Variants in ARID1A observed in about 807,000 individuals in gnomAD.
ARID1A encodes AT-rich interactive domain-containing protein 1A.
In ARID1A, 20 loss-of-function variants were observed where a neutral mutation model predicts 212.6. That is an observed-to-expected ratio of 0.09 (90% confidence interval 0.07 to 0.14). The LOEUF is 0.14. Ranked by LOEUF, ARID1A falls within the 10% of genes least tolerant of loss-of-function variation. The probability of loss-of-function intolerance (pLI) is 1.00; values close to 1 mark genes in which losing one functional copy is unlikely to be tolerated. For missense variants in ARID1A, 2,587 were observed against 3,059.0 expected (o/e 0.85, Z 3.64); for synonymous variants, 1,376 against 1,222.1 (o/e 1.13, Z -2.63).
In ARID1A at chr1:26,729,745, C is replaced by G. The variant is rs750719742; in HGVS notation, c.1232C>G (p.Pro411Arg). The G allele has an allele frequency of 1.2e-6, 2 of 1,614,220 alleles. No homozygotes were observed. The highest frequency in any genetic ancestry group is 1.7e-6 in the Non-Finnish European group (2 of 1,180,042). The change falls in exon 2 of 20, where the codon CCG becomes CGG. Residue 411 changes from proline (P) to arginine (R), a missense_variant. Coordinates refer to ENST00000324856, the MANE Select transcript of ARID1A (RefSeq NM_006015.6). Reference protein sequence around the residue: ...YSQQQGPPSGPQQGHGYPGQP... With the variant: ...YSQQQGPPSGRQQGHGYPGQP... ...CAGCAACAGGGACCTCCGTCAGGAC[C>G]GCAGCAAGGACATGGGTACCCAGGG... is the stretch of plus-strand genomic sequence containing the variant.
intron 19 of ARID1A, among the ~76,000 whole-genome samples, chr1:26,776,318 G>A (rs576883751): frequency 6.7e-6 from 1 of 149,370 alleles, no homozygotes; most frequent in Admixed American, 6.7e-5. Flanking sequence ...CTGTCGCCCA[G>A]GCTGGAGTGC....
At chr1:26,746,336 A>G (rs1381095968) in intron 4 of ARID1A, among the ~76,000 whole-genome samples, 2 of 152,250 alleles carry the variant, frequency 1.3e-5, no homozygotes, top group Middle Eastern at 6.8e-3. Flanking sequence ...ACCTTCACCT[A>G]TTCCCCCTTG....
In ARID1A at chr1:26,780,314, C is replaced by A. The variant is rs1302295523; in HGVS notation, c.6416C>A (p.Pro2139His). ...DNNVDLILAT[P>H]PFSRLEKLYS... The stretch of plus-strand genomic sequence containing the variant: ...AATGTGGACCTGATTCTGGCCACAC[C>A]CCCCTTCAGCCGCCTGGAGAAGTTG... The change falls in exon 20 of 20, where the codon CCC becomes CAC. Residue 2139 changes from proline (P) to histidine (H), a missense_variant. Transcript: ENST00000324856. The surrounding 1 kb of genome is among the most constrained non-coding windows in gnomAD (Gnocchi z 7.2). The A allele has an allele frequency of 1.9e-6, 3 of 1,614,204 alleles. No individual in the cohort carries two copies. The highest frequency in any genetic ancestry group is 2.5e-6 in the Non-Finnish European group (3 of 1,180,034).
At chr1:26,773,948 C>T (rs1156618932) in intron 17 of ARID1A, 50 bp downstream of exon 17, 2 of 1,578,430 alleles carry the variant, frequency 1.3e-6, no homozygotes, top group Non-Finnish European at 8.7e-7. Flanking sequence ...GCCTTGAAAA[C>T]TAGTTAGTAA....
intron 1 of ARID1A, chr1:26,729,244 T>C (rs1479293228): frequency 4.8e-6 from 1 of 208,672 alleles, no homozygotes; most frequent in Admixed American, 5.2e-5. Flanking sequence ...AATAGAAACA[T>C]CTAGATGTTT....
chr1:26,780,990 T>G lies in ARID1A; in HGVS notation c.*234T>G. The G allele has an allele frequency of 4.5e-6, 2 of 439,694 alleles. No individual in the cohort carries two copies. Among genetic ancestry groups the G allele is most frequent in the Non-Finnish European group, 7.9e-6 (2 of 254,576 alleles). The allele number at this position is 439,694 out of a possible 1,614,324, so 27.2% of individuals were successfully genotyped here. ...CCTCACCTTACTCCCCTCAGGACCC[T>G]ACCCCACCCTCTTTGAAAAGACAAA... On this transcript the variant is annotated 3_prime_UTR_variant, in exon 20 of 20. Coordinates refer to ENST00000324856, the MANE Select transcript of ARID1A (RefSeq NM_006015.6). This position sits in a 1 kb window ranked among gnomAD's most constrained non-coding sequence, Gnocchi z 7.2.
In ARID1A at chr1:26,771,542, T is replaced by C. The variant is rs904049742; in HGVS notation, c.3406+216T>C. 2.2e-5 allele frequency: 13 copies of C among 579,870 alleles called. No individual in the cohort carries two copies. Among genetic ancestry groups the C allele is most frequent in the African/African-American group, 2.2e-4 (12 of 53,672 alleles). 35.9% of individuals were successfully genotyped at this position (579,870 alleles called of 1,614,324 possible). ...ACGGCAGCTCTTAAGTTTTAATTTT[T>C]GTTGTGCAGCTGACAACTTGCCAAA... is the stretch of plus-strand genomic sequence containing the variant. On this transcript the variant is annotated intron_variant, in intron 12 of 19. Coordinates refer to ENST00000324856, the MANE Select transcript of ARID1A (RefSeq NM_006015.6). The surrounding 1 kb of genome is among the most constrained non-coding windows in gnomAD (Gnocchi z 5.4).
At position 26,696,692 on chromosome 1, in the gene ARID1A, G is replaced by A. The variant is rs2080258690; in HGVS notation, c.289G>A (p.Glu97Lys). 7.4e-7 allele frequency: 1 copy of A among 1,345,392 alleles called. No individual in the cohort carries two copies. The highest frequency in any genetic ancestry group is 1.9e-5 in the South Asian group (1 of 53,312). The allele number at this position is 1,345,392 out of a possible 1,614,324, so 83.3% of individuals were successfully genotyped here. A position where few individuals can be genotyped will look rare whatever the true frequency, so the allele number is the denominator to read the frequency against. Residue 97 changes from glutamate (E) to lysine (K), a missense_variant, in exon 1 of 20, where the codon GAG becomes AAG. Physicochemically the swap from Glu to Lys is moderately conservative, Grantham distance 56. Transcript: ENST00000324856. ...GAGSGGGPGA[E>K]PDLKNSNGNA... ...CGGCAGCGGCGGCGGGCCCGGCGCG[G>A]AGCCGGACCTGAAGAACTCGAACGG...
intron 1 of ARID1A, among the ~76,000 whole-genome samples, chr1:26,721,118 A>G (rs1198426136): frequency 6.6e-6 from 1 of 152,120 alleles, no homozygotes; most frequent in Non-Finnish European, 1.5e-5. Context: ...AGTTGTAAAG[A>G]AGGGGACGTT....
At chr1:26,775,766 T>G (rs531923913) in intron 19 of ARID1A, 59 bp downstream of exon 19, 1 of 1,611,054 alleles carries the variant, frequency 6.2e-7, no homozygotes, top group South Asian at 1.1e-5. Context: ...GTGTAGACAA[T>G]GGGAATGTCT....
chr1:26,771,091 C>G lies in ARID1A; in HGVS notation c.3199-28C>G, dbSNP rs369904648. 47 of 1,610,964 alleles carry G rather than the reference C, an allele frequency of 2.9e-5. No individual in the cohort carries two copies. The highest frequency in any genetic ancestry group is 3.1e-5 in the Non-Finnish European group (36 of 1,177,286). ...GCAGGAAAACCAGGCGGGAGATATACCTCGACTCCTTTGGTTTGGTTATAC... is the reference window on the plus strand; with the variant it reads ...GCAGGAAAACCAGGCGGGAGATATAGCTCGACTCCTTTGGTTTGGTTATAC... On this transcript the variant is annotated intron_variant, in intron 11 of 19. Coordinates refer to ENST00000324856, the MANE Select transcript of ARID1A (RefSeq NM_006015.6). The surrounding 1 kb of genome is among the most constrained non-coding windows in gnomAD (Gnocchi z 5.4).
In ARID1A at chr1:26,766,383, C is replaced by A. The variant is rs747931389; in HGVS notation, c.2878+17C>A. On this transcript the variant is annotated intron_variant, in intron 9 of 19. Coordinates refer to ENST00000324856, the MANE Select transcript of ARID1A (RefSeq NM_006015.6). ...ATTCTGCAGGTAAGTGCTAGTCATT[C>A]TCACTAGGGATTTCTTCAAGAGTCA... The A allele has an allele frequency of 1.2e-6, 2 of 1,614,032 alleles. No homozygotes were observed. Among genetic ancestry groups the A allele is most frequent in the South Asian group, 2.2e-5 (2 of 91,066 alleles).
Position 26,696,650 on chromosome 1 carries a change from G to T in ARID1A, c.247G>T (p.Gly83Cys). The T allele has an allele frequency of 7.7e-7, 1 of 1,303,782 alleles. No individual in the cohort carries two copies. The allele number at this position is 1,303,782 out of a possible 1,614,324, so 80.8% of individuals were successfully genotyped here. A position where few individuals can be genotyped will look rare whatever the true frequency, so the allele number is the denominator to read the frequency against. ...GGACGGGGCCGAGAGCAATGGGGGT[G>T]GCGGCGGCGGCGGAGCCGGCAGCGG... ...LQDGAESNGGGGGGGAGSGGG... is the reference protein window; with the variant it reads ...LQDGAESNGGCGGGGAGSGGG... The change falls in exon 1 of 20, where the codon GGC becomes TGC. Residue 83 changes from glycine (G) to cysteine (C), a missense_variant. Coordinates refer to ENST00000324856, the MANE Select transcript of ARID1A (RefSeq NM_006015.6).
intron 1 of ARID1A, among the ~76,000 whole-genome samples, chr1:26,708,265 A>ATT (rs2080413486): frequency 2.5e-4 from 8 of 31,652 alleles, no homozygotes; most frequent in East Asian, 2.7e-3. Flanking sequence ...ACAGTCCTTC[A>ATT]CTTTTTTTTT....
chr1:26,728,695 C>T (rs1183681781), intron 1 of ARID1A, among the ~76,000 whole-genome samples: 2 of 152,084 alleles, frequency 1.3e-5, no homozygotes, highest in East Asian at 3.9e-4. Context: ...TATATCAGAC[C>T]CATGCCTACT....
chr1:26,769,545 A>G (rs576134464), intron 11 of ARID1A: 1 of 152,342 alleles, frequency 6.6e-6, no homozygotes, highest in Admixed American at 6.5e-5. Flanking sequence ...ATCTCCAACC[A>G]TGAAGACTTA....
chr1:26,700,011 G>A (rs994467305), intron 1 of ARID1A, among the ~76,000 whole-genome samples: 3 of 152,124 alleles, frequency 2.0e-5, no homozygotes, highest in African/African-American at 7.2e-5. Context: ...ATTATCACTA[G>A]ACCCACACAA....
intron 1 of ARID1A, among the ~76,000 whole-genome samples, chr1:26,704,621 G>T (rs2080370068): frequency 6.6e-6 from 1 of 152,108 alleles, no homozygotes; most frequent in South Asian, 2.1e-4. Flanking sequence ...ACTTTGGGAG[G>T]CCAAGGTGGG....
intron 4 of ARID1A, among the ~76,000 whole-genome samples, chr1:26,742,925 G>A (rs954209685): frequency 2.6e-5 from 4 of 152,086 alleles, no homozygotes; most frequent in African/African-American, 7.2e-5. Context: ...GGCTGAGGTC[G>A]CGCCACTGCA....
Sources: gnomAD v4.1 joint callset for allele counts (sites outside exome capture counted in the v4.1 genomes callset) on GRCh38, gnomAD v4.1.1 for gene constraint, Gnocchi (gnomAD v3.1) non-coding constraint, MANE v1.5 for transcripts, NCBI Gene and HGNC (gene_info 2026-07-23, HGNC 2026-07-21) for gene names.